The following FHAD1 variants were observed in gnomAD, a reference collection of about 807,000 sequenced individuals.
FHAD1 encodes the protein forkhead associated phosphopeptide binding domain 1.
A neutral mutation model predicts 191.3 loss-of-function variants in FHAD1; 146 were observed. The ratio of observed to expected loss-of-function variants is 0.76; its 90% CI spans 0.67 to 0.88. The LOEUF (loss-of-function observed/expected upper bound fraction) is 0.88. Among genes scored for constraint, FHAD1 ranks in the 40% least tolerant of loss-of-function variants. The probability of loss-of-function intolerance (pLI) is 0.00; values close to 1 mark genes in which losing one functional copy is unlikely to be tolerated. For missense variants in FHAD1, 1,635 were observed against 1,785.8 expected (o/e 0.92, Z 1.52); for synonymous variants, 616 against 672.3 (o/e 0.92, Z 1.29).
Position 15,316,470 on chromosome 1 carries a change from G to T in FHAD1, c.1260+3G>T, listed in dbSNP as rs1342028872. ...AAGAGTTAAAACTCTGCAAAACCGT[G>T]AGTTGAGCTTCCTCCTTTGTAGGTA... is the stretch of plus-strand genomic sequence containing the variant. On this transcript the variant is annotated splice_donor_region_variant and intron_variant, in intron 9 of 33. Coordinates refer to ENST00000688493, the MANE Select transcript of FHAD1 (RefSeq NM_001391957.1). This position sits in a 1 kb window ranked among gnomAD's most constrained non-coding sequence, Gnocchi z 4.3. 1 of 1,551,558 alleles carries T rather than the reference G, an allele frequency of 6.4e-7. No homozygotes were observed. Among genetic ancestry groups the T allele is most frequent in the Admixed American group, 2.0e-5 (1 of 51,004 alleles).
intron 11 of FHAD1, chr1:15,324,768 TCGAATAGTTTACGATGACCCGAGACCCGG>T (rs1280398563): frequency 8.6e-6 from 5 of 578,696 alleles, no homozygotes; most frequent in Non-Finnish European, 1.5e-5. Flanking sequence ...GGCCTCCCAC[TCGAATAGTTTACGATGACCCGAGACCCGG>T]ACCAGGCAGC....
At chr1:15,377,529 T>G (rs1325448152) in intron 28 of FHAD1, among the ~76,000 whole-genome samples, 2 of 152,138 alleles carry the variant, frequency 1.3e-5, no homozygotes, top group Non-Finnish European at 1.5e-5. Context: ...GACACAACAC[T>G]GGCAGCAATT....
chr1:15,300,924 G>A (rs1163882133), intron 5 of FHAD1, among the ~76,000 whole-genome samples: 1 of 152,128 alleles, frequency 6.6e-6, no homozygotes, highest in Admixed American at 6.5e-5. Flanking sequence ...CTGCCTCCCG[G>A]GTTCAAGCGA....
intron 6 of FHAD1, among the ~76,000 whole-genome samples, chr1:15,307,048 G>A (rs1302129946): frequency 6.6e-6 from 1 of 152,208 alleles, no homozygotes; most frequent in Non-Finnish European, 1.5e-5. Flanking sequence ...GAGAGAGGTT[G>A]TACCCTGCAA....
intron 19 of FHAD1, among the ~76,000 whole-genome samples, chr1:15,351,236 T>C (rs1284456454): frequency 6.6e-6 from 1 of 152,058 alleles, no homozygotes; most frequent in Non-Finnish European, 1.5e-5. Context: ...TCCCAGCTGC[T>C]CGGGAGGCTG....
intron 20 of FHAD1, among the ~76,000 whole-genome samples, chr1:15,357,625 CAAAAA>C (rs71000395): frequency 5.3e-5 from 4 of 76,110 alleles, no homozygotes; most frequent in Admixed American, 1.6e-4. Context: ...TCCTCCGTCT[CAAAAA>C]AAAAAAAAAA....
chr1:15,383,208 A>G, intron 31 of FHAD1: 1 of 471,382 alleles, frequency 2.1e-6, no homozygotes, highest in Non-Finnish European at 4.4e-6. Flanking sequence ...GGATGAAAGA[A>G]TGCAGGCATC....
chr1:15,349,012 C>G, intron 18 of FHAD1, 30 bp from the exon 19 acceptor site: 1 of 1,412,452 alleles, frequency 7.1e-7, no homozygotes, highest in Non-Finnish European at 9.8e-7. Context: ...AATGTGCAGG[C>G]CACCAAGAGC....
chr1:15,313,687 A>C (rs903678178), intron 8 of FHAD1, among the ~76,000 whole-genome samples: 4 of 152,202 alleles, frequency 2.6e-5, no homozygotes, highest in Non-Finnish European at 5.9e-5. Context: ...GTGCAGTTAG[A>C]CAGACTTTCA....
At chr1:15,333,908 T>A (rs921910600) in intron 14 of FHAD1, among the ~76,000 whole-genome samples, 1 of 145,194 alleles carries the variant, frequency 6.9e-6, no homozygotes, top group Admixed American at 7.1e-5. Flanking sequence ...TTTCAGCTCA[T>A]TGCAATCTCC....
chr1:15,298,851 G>A (rs1667731788), intron 5 of FHAD1, among the ~76,000 whole-genome samples: 1 of 152,000 alleles, frequency 6.6e-6, no homozygotes, highest in Non-Finnish European at 1.5e-5. Flanking sequence ...TCCTTCAAGT[G>A]CAAGTGACAA....
At chr1:15,356,397 T>C (rs752516613) in intron 20 of FHAD1, among the ~76,000 whole-genome samples, 1 of 152,136 alleles carries the variant, frequency 6.6e-6, no homozygotes, top group Non-Finnish European at 1.5e-5. Context: ...CCTGGGAAAA[T>C]TGCTTTACTA....
In FHAD1 at chr1:15,289,355, C is replaced by T. The variant is rs950952974; in HGVS notation, c.301-44C>T. 6.5e-6 allele frequency: 10 copies of T among 1,533,034 alleles called. No homozygotes were observed. The highest frequency in any genetic ancestry group is 8.8e-6 in the Non-Finnish European group (10 of 1,135,482). 95.0% of individuals were successfully genotyped at this position (1,533,034 alleles called of 1,614,324 possible). On this transcript the variant is annotated intron_variant, in intron 3 of 33. Coordinates refer to ENST00000688493, the MANE Select transcript of FHAD1 (RefSeq NM_001391957.1). The surrounding 1 kb of genome is among the most constrained non-coding windows in gnomAD (Gnocchi z 4.2). Reference sequence around the variant, plus strand: ...GCTGGGACAAAGAAATGGAGACCATCCCAGCCGGTCATAACCTCCCCTGAC... The same window carrying T: ...GCTGGGACAAAGAAATGGAGACCATTCCAGCCGGTCATAACCTCCCCTGAC...
At chr1:15,333,272 C>T (rs553012964) in intron 14 of FHAD1, among the ~76,000 whole-genome samples, 6 of 152,194 alleles carry the variant, frequency 3.9e-5, no homozygotes, top group African/African-American at 1.4e-4. Flanking sequence ...ACTCTTGTAC[C>T]TAATTCCTAG....
At chr1:15,394,328 C>A (rs142971017) in intron 33 of FHAD1, among the ~76,000 whole-genome samples, 3 of 152,282 alleles carry the variant, frequency 2.0e-5, no homozygotes, top group Admixed American at 2.0e-4. Flanking sequence ...AACTCCACAC[C>A]GGCTCAGGGC....
At chr1:15,374,444 A>G in intron 26 of FHAD1, 58 bp from the exon 27 acceptor site, 1 of 1,544,416 alleles carries the variant, frequency 6.5e-7, no homozygotes, top group Non-Finnish European at 8.8e-7. Flanking sequence ...ATTTCTGTGA[A>G]TGTAAGAGAA....
chr1:15,260,451 A>G (rs1650499942), intron 2 of FHAD1, among the ~76,000 whole-genome samples: 1 of 152,228 alleles, frequency 6.6e-6, no homozygotes, highest in Non-Finnish European at 1.5e-5. Flanking sequence ...GAGTGGACTC[A>G]GCTGGTTCCT....
chr1:15,357,546 C>G (rs953556031), intron 20 of FHAD1, among the ~76,000 whole-genome samples: 2 of 150,702 alleles, frequency 1.3e-5, no homozygotes, highest in South Asian at 4.2e-4. Context: ...TCGCTTGAAC[C>G]TGGGAGGCGG....
At chr1:15,308,429 G>A (rs949083233) in intron 6 of FHAD1, among the ~76,000 whole-genome samples, 184 bp from the exon 7 acceptor site, 2 of 152,216 alleles carry the variant, frequency 1.3e-5, no homozygotes, top group Non-Finnish European at 2.9e-5. Context: ...GACATAGGAA[G>A]TGGTGGTCCT....
Sources: allele counts gnomAD v4.1 joint callset (sites outside exome capture counted in the v4.1 genomes callset), GRCh38; gene constraint gnomAD v4.1.1; non-coding constraint Gnocchi (gnomAD v3.1); transcripts MANE v1.5; gene names NCBI Gene and HGNC (gene_info 2026-07-23, HGNC 2026-07-21).